The following CMSS1 variants were observed in gnomAD, a reference collection of about 807,000 sequenced individuals.
The protein encoded by CMSS1 is protein CMSS1.
CMSS1 carries 33 observed loss-of-function variants against 43.5 expected under a neutral mutation model. That is an observed-to-expected ratio of 0.76 (90% CI 0.57 to 1.01). The LOEUF is 1.01. Ranked by LOEUF, CMSS1 falls within the 50% of genes least tolerant of loss-of-function variation. CMSS1 has a pLI of 0.00. For synonymous variants in CMSS1, 115 were observed against 117.2 expected (o/e 0.98, Z 0.12); for missense variants, 313 against 326.4 (o/e 0.96, Z 0.32).
At chr3:99,923,444 A>G (rs917152112) in intron 1 of CMSS1, among the ~76,000 whole-genome samples, 1 of 152,090 alleles carries the variant, frequency 6.6e-6, no homozygotes, top group Non-Finnish European at 1.5e-5. Flanking sequence ...CCCCATTCCC[A>G]TATTTCATAT....
chr3:100,131,630 G>T (rs903739275), intron 1 of CMSS1, among the ~76,000 whole-genome samples: 6 of 152,118 alleles, frequency 3.9e-5, no homozygotes, highest in African/African-American at 1.4e-4. Flanking sequence ...CCTAAATCTG[G>T]TTCTCGCTTC....
chr3:99,873,303 G>A (rs1161519708), intron 1 of CMSS1, among the ~76,000 whole-genome samples: 1 of 152,144 alleles, frequency 6.6e-6, no homozygotes. Context: ...CCTTAAAATC[G>A]TTTAAAATTA....
chr3:100,083,618 T>G lies in CMSS1; in HGVS notation c.65-63355T>G, dbSNP rs140789552. On this transcript the variant is annotated intron_variant, in intron 1 of 9. Transcript: ENST00000421999. ...ATTAGTTGCTTAGTGCATGCTTCTT[T>G]ATCTTGTTTGAAATATGAGGCCTAC... Among the ~76,000 whole-genome samples, 537 of 152,386 alleles carry G rather than the reference T, an allele frequency of 3.5e-3. 2 individuals carry two copies. Among genetic ancestry groups the G allele is most frequent in the African/African-American group, 0.012 (511 of 41,592 alleles).
chr3:100,012,612 G>A (rs1710190743), intron 1 of CMSS1, among the ~76,000 whole-genome samples: 1 of 152,088 alleles, frequency 6.6e-6, no homozygotes, highest in African/African-American at 2.4e-5. Context: ...CCCACCGTGG[G>A]CCTAATTATT....
intron 1 of CMSS1, among the ~76,000 whole-genome samples, chr3:100,008,925 G>T (rs554738819): frequency 1.3e-5 from 2 of 152,142 alleles, no homozygotes; most frequent in South Asian, 4.1e-4. Flanking sequence ...CAGAAACTTG[G>T]AACACCTATA....
intron 1 of CMSS1, among the ~76,000 whole-genome samples, chr3:100,073,762 C>T (rs1376375707): frequency 6.6e-6 from 1 of 152,154 alleles, no homozygotes; most frequent in Admixed American, 6.5e-5. Context: ...GTGTGCCGGG[C>T]AAGATCTCCT....
Position 99,845,189 on chromosome 3 carries a change from CCTT to C in CMSS1, c.64+27149_64+27151del, listed in dbSNP as rs559509433. Among the ~76,000 whole-genome samples the C allele has an allele frequency of 7.9e-3, 1,208 of 152,210 alleles. 10 individuals carry two copies. Among genetic ancestry groups the C allele is most frequent in the Non-Finnish European group, 0.014 (926 of 68,004 alleles). On this transcript the variant is annotated intron_variant, in intron 1 of 9. Coordinates refer to ENST00000421999, the MANE Select transcript of CMSS1 (RefSeq NM_032359.4). ...ATTCAAGTGTAGTAATGCACAATGT[CCTT>C]CTAGTAAGGATGACAATTTTATTTT...
intron 1 of CMSS1, chr3:99,924,079 T>C (rs1707210271): frequency 1.4e-6 from 1 of 705,268 alleles, no homozygotes; most frequent in Non-Finnish European, 2.4e-6. Flanking sequence ...GTACTGATAA[T>C]GTCTTCAAAC....
chr3:99,975,483 T>C (rs756990629), intron 1 of CMSS1, among the ~76,000 whole-genome samples: 24 of 151,918 alleles, frequency 1.6e-4, no homozygotes, highest in Non-Finnish European at 2.9e-4. Context: ...TCCCAGCTAC[T>C]CGGGAGGCTG....
At chr3:99,928,913 A>G (rs1328355601) in intron 1 of CMSS1, among the ~76,000 whole-genome samples, 1 of 152,220 alleles carries the variant, frequency 6.6e-6, no homozygotes, top group Non-Finnish European at 1.5e-5. Flanking sequence ...AGAAGCAGAT[A>G]CATATGACCA....
intron 1 of CMSS1, among the ~76,000 whole-genome samples, chr3:99,878,165 CTT>C (rs1476716826): frequency 2.0e-5 from 3 of 152,190 alleles, no homozygotes; most frequent in African/African-American, 7.2e-5. Flanking sequence ...ACATCAGTCT[CTT>C]GACCCAGCTA....
chr3:100,157,787 G>C (rs533663990), intron 2 of CMSS1, among the ~76,000 whole-genome samples: 1 of 152,232 alleles, frequency 6.6e-6, no homozygotes, highest in Non-Finnish European at 1.5e-5. Flanking sequence ...TAATGGGATA[G>C]TTGCTTGGCT....
At chr3:99,855,277 T>C (rs1158447074) in intron 1 of CMSS1, among the ~76,000 whole-genome samples, 1 of 152,162 alleles carries the variant, frequency 6.6e-6, no homozygotes, top group Non-Finnish European at 1.5e-5. Context: ...TGACTCAAAA[T>C]GCATACCATA....
intron 1 of CMSS1, among the ~76,000 whole-genome samples, chr3:99,971,336 A>G (rs1708815717): frequency 6.6e-6 from 1 of 150,780 alleles, no homozygotes; most frequent in Admixed American, 6.6e-5. Flanking sequence ...CCCATCTCAA[A>G]AAAAAAAAAA....
At chr3:100,109,901 TGA>T (rs2066459444) in intron 1 of CMSS1, 1 of 114,710 alleles carries the variant, frequency 8.7e-6, no homozygotes, top group South Asian at 3.0e-4. Flanking sequence ...GTTTCTTTTA[TGA>T]CCCCCCCCCC....
In CMSS1 at chr3:100,176,429, AGCAGTT is replaced by A. The variant is rs1559780428; in HGVS notation, c.756+17_756+22del. ...GACATTCCCGAGGTACCACGTAACCAGCAGTTGCCTTTAATCATTTTTTCTCTATTT... is the reference window on the plus strand; with the variant it reads ...GACATTCCCGAGGTACCACGTAACCAGCCTTTAATCATTTTTTCTCTATTT... On this transcript the variant is annotated intron_variant, in intron 9 of 9. Coordinates refer to ENST00000421999, the MANE Select transcript of CMSS1 (RefSeq NM_032359.4). 1.3e-6 allele frequency: 2 copies of A among 1,559,492 alleles called. No homozygotes were observed. Among genetic ancestry groups the A allele is most frequent in the Non-Finnish European group, 1.8e-6 (2 of 1,131,268 alleles).
chr3:100,018,210 C>T (rs1710401083), intron 1 of CMSS1, among the ~76,000 whole-genome samples: 1 of 152,082 alleles, frequency 6.6e-6, no homozygotes, highest in Admixed American at 6.6e-5. Context: ...CCTGTAATCC[C>T]AGCTACTCAG....
At chr3:100,150,246 G>A (rs1018976257) in intron 2 of CMSS1, among the ~76,000 whole-genome samples, 2 of 152,172 alleles carry the variant, frequency 1.3e-5, no homozygotes, top group Non-Finnish European at 2.9e-5. Context: ...GGTTTCTTTT[G>A]TGTCCACTAT....
chr3:99,889,466 C>T (rs1706015415), intron 1 of CMSS1, among the ~76,000 whole-genome samples: 1 of 152,000 alleles, frequency 6.6e-6, no homozygotes, highest in Admixed American at 6.5e-5. Context: ...CCCTTATGTT[C>T]TGGTGAGTCT....
Sources: allele counts gnomAD v4.1 joint callset (sites outside exome capture counted in the v4.1 genomes callset), GRCh38; gene constraint gnomAD v4.1.1; transcripts MANE v1.5; gene names NCBI Gene and HGNC (gene_info 2026-07-23, HGNC 2026-07-21).